The following SMCHD1 variants were observed in gnomAD, a reference collection of about 807,000 sequenced individuals.
The protein encoded by SMCHD1 is structural maintenance of chromosomes flexible hinge domain containing 1.
Under a neutral mutation model 254.7 loss-of-function variants are expected in SMCHD1, and 78 were observed. The observed-to-expected ratio is 0.31, with a 90% confidence interval of 0.26 to 0.37. The LOEUF (loss-of-function observed/expected upper bound fraction) is 0.37, where lower values mean the gene tolerates loss of function less well. Among genes scored for constraint, SMCHD1 ranks in the 10% least tolerant of loss-of-function variants. The pLI is 1.00. For missense variants in SMCHD1, 1,840 were observed against 2,408.1 expected, an observed-to-expected ratio of 0.76 and a Z score of 4.94; for synonymous variants, 766 against 794.9, an observed-to-expected ratio of 0.96 and a Z score of 0.61.
intron 7 of SMCHD1, among the ~76,000 whole-genome samples, chr18:2,689,224 T>TC (rs1200354728): frequency 2.0e-5 from 3 of 149,678 alleles, no homozygotes; most frequent in African/African-American, 7.3e-5. Context: ...TTTTTTCTTT[T>TC]TTTTTTTTTT....
At chr18:2,799,143 TAAA>T (rs1276333581) in intron 47 of SMCHD1, among the ~76,000 whole-genome samples, 2 of 152,072 alleles carry the variant, frequency 1.3e-5, no homozygotes, top group Admixed American at 6.5e-5. Context: ...GAAGCCATAT[TAAA>T]AAGGAAAAAA....
chr18:2,756,896 G>A (rs2075691766), intron 34 of SMCHD1, among the ~76,000 whole-genome samples: 1 of 152,012 alleles, frequency 6.6e-6, no homozygotes, highest in Non-Finnish European at 1.5e-5. Context: ...TCTCATTCTT[G>A]ACACTATTTG....
At chr18:2,755,782 T>G (rs1027483213) in intron 34 of SMCHD1, among the ~76,000 whole-genome samples, 2 of 151,638 alleles carry the variant, frequency 1.3e-5, no homozygotes, top group African/African-American at 4.9e-5. Context: ...TTAGCCAGGA[T>G]GATCTCGATC....
intron 45 of SMCHD1, among the ~76,000 whole-genome samples, chr18:2,787,117 C>G (rs1192282594): frequency 6.6e-6 from 1 of 152,138 alleles, no homozygotes; most frequent in Non-Finnish European, 1.5e-5. Context: ...GTGAGGGCGT[C>G]AGGCTGCTTC....
At chr18:2,741,585 G>A (rs1011579862) in intron 28 of SMCHD1, among the ~76,000 whole-genome samples, 1 of 151,900 alleles carries the variant, frequency 6.6e-6, no homozygotes, top group Non-Finnish European at 1.5e-5. Flanking sequence ...TTCTAATGTC[G>A]AGCATCATTT....
intron 17 of SMCHD1, among the ~76,000 whole-genome samples, chr18:2,713,107 T>C (rs2074717571): frequency 6.6e-6 from 1 of 152,218 alleles, no homozygotes; most frequent in Non-Finnish European, 1.5e-5. Flanking sequence ...ATGAGCTGTT[T>C]CTTATGATTA....
chr18:2,726,092 C>A (rs961822229), intron 21 of SMCHD1, among the ~76,000 whole-genome samples: 2 of 151,802 alleles, frequency 1.3e-5, no homozygotes, highest in African/African-American at 4.8e-5. Flanking sequence ...TTTCTTTCTA[C>A]TTTACTATTT....
chr18:2,672,923 G>C lies in SMCHD1; in HGVS notation c.425-358G>C, dbSNP rs189801947. ...CGTATTTCTAGATGTGCTTACTTTG[G>C]ACTTGTGCTTGATGTAATTACATAC... On this transcript the variant is annotated intron_variant, in intron 3 of 47. Coordinates refer to ENST00000320876, the MANE Select transcript of SMCHD1 (RefSeq NM_015295.3). 4.6e-3 allele frequency among the ~76,000 whole-genome samples: 695 copies of C among 152,206 alleles called. 2 individuals are homozygous for C. The highest frequency in any genetic ancestry group is 5.6e-3 in the Non-Finnish European group (380 of 68,002).
intron 44 of SMCHD1, among the ~76,000 whole-genome samples, chr18:2,782,318 G>A (rs2076168925): frequency 6.6e-6 from 1 of 152,138 alleles, no homozygotes; most frequent in African/African-American, 2.4e-5. Flanking sequence ...GAAACTGTCT[G>A]TGAAAGTAGT....
At chr18:2,663,517 G>A (rs908751610) in intron 1 of SMCHD1, among the ~76,000 whole-genome samples, 3 of 151,960 alleles carry the variant, frequency 2.0e-5, no homozygotes, top group African/African-American at 7.3e-5. Context: ...AATTCTCCTG[G>A]AATTTATTTT....
chr18:2,736,044 C>T (rs552583445), intron 25 of SMCHD1, among the ~76,000 whole-genome samples: 1 of 152,270 alleles, frequency 6.6e-6, no homozygotes, highest in Non-Finnish European at 1.5e-5. Flanking sequence ...CAGCATGCTA[C>T]TGGTACAAAA....
intron 45 of SMCHD1, among the ~76,000 whole-genome samples, chr18:2,793,063 A>G (rs1191755962): frequency 2.0e-5 from 3 of 152,294 alleles, no homozygotes; most frequent in Non-Finnish European, 4.4e-5. Flanking sequence ...TTTTTTGCCA[A>G]TAAGTTTCTT....
At chr18:2,768,980 C>T (rs2075926984) in intron 37 of SMCHD1, among the ~76,000 whole-genome samples, 3 of 151,876 alleles carry the variant, frequency 2.0e-5, no homozygotes, top group Non-Finnish European at 2.9e-5. Context: ...ACCTACAGTG[C>T]CATATCGATT....
At chr18:2,782,744 C>CAAAAAAAAAAAAAAAAAAAAAAAAAAAAA (rs779083565) in intron 44 of SMCHD1, among the ~76,000 whole-genome samples, 1 of 44,952 alleles carries the variant, frequency 2.2e-5, no homozygotes, top group Non-Finnish European at 3.8e-5. Context: ...GACCACAACT[C>CAAAAAAAAAAAAAAAAAAAAAAAAAAAAA]AAAAAAAAAA....
At chr18:2,728,666 A>G in intron 23 of SMCHD1, 70 bp downstream of exon 23, 2 of 1,500,704 alleles carry the variant, frequency 1.3e-6, no homozygotes, top group Non-Finnish European at 1.8e-6. Flanking sequence ...TTAGCCACTT[A>G]ATAGTAAGTC....
intron 15 of SMCHD1, 133 bp downstream of exon 15, chr18:2,706,603 A>T (rs987251531): frequency 5.9e-6 from 3 of 506,816 alleles, no homozygotes; most frequent in African/African-American, 3.9e-5. Flanking sequence ...ATTGAGATGA[A>T]CTTCTTGTTG....
intron 41 of SMCHD1, 78 bp downstream of exon 41, chr18:2,772,450 C>CA (rs937245323): frequency 7.3e-6 from 9 of 1,225,220 alleles, no homozygotes; most frequent in African/African-American, 6.3e-5. Context: ...CTAAAAGTGA[C>CA]AAAAAAGTGT....
intron 17 of SMCHD1, among the ~76,000 whole-genome samples, chr18:2,717,644 T>A (rs973246299): frequency 6.6e-6 from 1 of 152,188 alleles, no homozygotes; most frequent in African/African-American, 2.4e-5. Context: ...GCTCCTGTGT[T>A]CCTTCTTAGA....
intron 13 of SMCHD1, among the ~76,000 whole-genome samples, chr18:2,704,320 G>T (rs376815877): frequency 3.3e-5 from 5 of 152,182 alleles, no homozygotes; most frequent in South Asian, 4.2e-4. Flanking sequence ...CTCACATGGA[G>T]ATCTCAGTGT....
Sources: allele counts gnomAD v4.1 joint callset (sites outside exome capture counted in the v4.1 genomes callset), GRCh38; gene constraint gnomAD v4.1.1; transcripts MANE v1.5; gene names NCBI Gene and HGNC (gene_info 2026-07-23, HGNC 2026-07-21).